UBAP1: variants seen among roughly 807,000 people sequenced by gnomAD.
UBAP1 encodes the protein ubiquitin associated protein 1.
Under a neutral mutation model 39.0 loss-of-function variants are expected in UBAP1, and 5 were observed. The observed-to-expected ratio is 0.13, with a 90% CI of 0.07 to 0.27. The LOEUF is 0.27. Ranked by LOEUF, UBAP1 falls within the 10% of genes least tolerant of loss-of-function variation. The probability of loss-of-function intolerance (pLI) is 1.00; values close to 1 mark genes in which losing one functional copy is unlikely to be tolerated. For synonymous variants in UBAP1, 211 were observed against 225.1 expected, an observed-to-expected ratio of 0.94 and a Z score of 0.56; for missense variants, 490 against 608.1, an observed-to-expected ratio of 0.81 and a Z score of 2.04.
intron 1 of UBAP1, chr9:34,211,842 T>C (rs543742895): frequency 1.1e-5 from 2 of 181,554 alleles, no homozygotes; most frequent in Admixed American, 6.0e-5. Flanking sequence ...TTATTCTTTG[T>C]TCTTTTTTCT....
intron 1 of UBAP1, among the ~76,000 whole-genome samples, chr9:34,180,908 T>C (rs901188019): frequency 6.6e-6 from 1 of 151,314 alleles, no homozygotes; most frequent in African/African-American, 2.4e-5. Context: ...CCTCCTGGGT[T>C]CAAGTGACTG....
chr9:34,246,258 T>C (rs1462278858), intron 4 of UBAP1, among the ~76,000 whole-genome samples: 1 of 151,934 alleles, frequency 6.6e-6, no homozygotes, highest in East Asian at 1.9e-4. Flanking sequence ...TAGAGATGAG[T>C]CTCAACTATG....
Position 34,241,481 on chromosome 9 carries a change from G to A in UBAP1, c.456G>A (p.Ala152=), listed in dbSNP as rs758225904. 2.7e-5 allele frequency: 44 copies of A among 1,613,852 alleles called. No homozygotes were observed. Among genetic ancestry groups the A allele is most frequent in the Middle Eastern group, 1.6e-4 (1 of 6,062 alleles). The change falls in exon 4 of 7, where the codon GCG becomes GCA. Residue 152 remains alanine, a synonymous_variant. Coordinates refer to ENST00000297661, the MANE Select transcript of UBAP1 (RefSeq NM_016525.5). ...QKVLSPPHIK[A]DFNLADFECE... ...TTCTCAGCCCACCTCACATAAAGGC[G>A]GATTTCAATCTTGCTGACTTTGAGT... is the stretch of plus-strand genomic sequence containing the variant.
intron 1 of UBAP1, among the ~76,000 whole-genome samples, chr9:34,195,954 TTTTTTTTTTTG>T (rs2131521933): frequency 1.6e-5 from 2 of 126,876 alleles, no homozygotes; most frequent in Admixed American, 1.7e-4. Flanking sequence ...TTTTTTTTTT[TTTTTTTTTTTG>T]AGATAGAGTC....
At chr9:34,221,084 C>A in intron 2 of UBAP1, 136 bp downstream of exon 2, 1 of 737,920 alleles carries the variant, frequency 1.4e-6, no homozygotes, top group Non-Finnish European at 2.3e-6. Context: ...AGTTGTACAA[C>A]AATGTATCAA....
intron 2 of UBAP1, among the ~76,000 whole-genome samples, 181 bp downstream of exon 2, chr9:34,221,129 T>C (rs1776312902): frequency 6.6e-6 from 1 of 152,202 alleles, no homozygotes; most frequent in African/African-American, 2.4e-5. Context: ...ACTTGAAGTA[T>C]TTCTTCAAAT....
intron 1 of UBAP1, among the ~76,000 whole-genome samples, chr9:34,208,777 C>CA (rs58813667): frequency 1.1e-4 from 13 of 115,576 alleles, no homozygotes; most frequent in African/African-American, 3.7e-4. Context: ...GACTCTGTCT[C>CA]AAAAAAAAAA....
Position 34,218,040 on chromosome 9 carries a change from C to G in UBAP1, c.-7-2868C>G, listed in dbSNP as rs544943767. On this transcript the variant is annotated intron_variant, in intron 1 of 6. Transcript: ENST00000297661. ...GGCCGAGGCGGGTGGATCACAAGGT[C>G]AAGAGATCCAGATTATCCTGGCCAA... Among the ~76,000 whole-genome samples, 58 of 150,638 alleles carry G rather than the reference C, an allele frequency of 3.9e-4. 1 individual carries two copies. The highest frequency in any genetic ancestry group is 1.2e-3 in the African/African-American group (51 of 41,160).
At chr9:34,199,753 A>G (rs1308550270) in intron 1 of UBAP1, among the ~76,000 whole-genome samples, 1 of 150,020 alleles carries the variant, frequency 6.7e-6, no homozygotes, top group Admixed American at 6.6e-5. Flanking sequence ...CTCCTGCCTC[A>G]GCCTCCCTAG....
At position 34,182,681 on chromosome 9, in the gene UBAP1, T is replaced by TTCTCTCTCTCTCTCTC. The variant is rs1437312393; in HGVS notation, c.-8+3452_-8+3453insCTCTCTCTCTCTCTCT. 1.2e-3 allele frequency among the ~76,000 whole-genome samples: 140 copies of TTCTCTCTCTCTCTCTC among 115,598 alleles called. 5 individuals carry two copies. Among genetic ancestry groups the TTCTCTCTCTCTCTCTC allele is most frequent in the South Asian group, 2.2e-3 (7 of 3,236 alleles). 75.8% of individuals were successfully genotyped at this position (115,598 alleles called of 152,430 possible). A position where few individuals can be genotyped will look rare whatever the true frequency, so the allele number is the denominator to read the frequency against. ...TTTCTTTCTTTCTTTCTTTCTTTCT[T>TTCTCTCTCTCTCTCTC]TCTCTCTCTCTTTCTTTTCTTTTCT... On this transcript the variant is annotated intron_variant, in intron 1 of 6. Transcript: ENST00000297661.
At chr9:34,242,273 C>G (rs1834000995) in intron 4 of UBAP1, among the ~76,000 whole-genome samples, 165 bp downstream of exon 4, 1 of 151,878 alleles carries the variant, frequency 6.6e-6, no homozygotes, top group South Asian at 2.1e-4. Flanking sequence ...ACCTCCCGGG[C>G]TCAAGCCTGT....
chr9:34,211,417 A>G (rs946309270), intron 1 of UBAP1, among the ~76,000 whole-genome samples: 5 of 152,164 alleles, frequency 3.3e-5, no homozygotes, highest in African/African-American at 1.2e-4. Flanking sequence ...AAATTAGATA[A>G]TTTCCTGGAT....
chr9:34,250,559 G>A, intron 5 of UBAP1, 99 bp from the exon 6 acceptor site: 1 of 867,912 alleles, frequency 1.2e-6, no homozygotes. Context: ...CGGCCTGGGT[G>A]GGGCGGAGAA....
At chr9:34,231,774 A>C (rs966986737) in intron 2 of UBAP1, among the ~76,000 whole-genome samples, 2 of 151,840 alleles carry the variant, frequency 1.3e-5, no homozygotes, top group African/African-American at 4.8e-5. Context: ...CCTCCCCAGT[A>C]GCTGGGACTA....
chr9:34,218,418 A>G (rs1832469155), intron 1 of UBAP1, among the ~76,000 whole-genome samples: 1 of 152,018 alleles, frequency 6.6e-6, no homozygotes, highest in Admixed American at 6.6e-5. Flanking sequence ...CAAGTTCTTT[A>G]CCTCAACAAC....
Position 34,218,460 on chromosome 9 carries a change from A to G in UBAP1, c.-7-2448A>G, listed in dbSNP as rs543672045. 8.5e-5 allele frequency among the ~76,000 whole-genome samples: 13 copies of G among 152,062 alleles called. No homozygotes were observed. The East Asian group carries it at 2.5e-3, about 29-fold the overall frequency. On this transcript the variant is annotated intron_variant, in intron 1 of 6. Transcript: ENST00000297661. Reference sequence around the variant, plus strand: ...TTCTTCAAACAGCTGATATCACACAATTTTTATTGTGGTTATAGAAATGAA... The same window carrying G: ...TTCTTCAAACAGCTGATATCACACAGTTTTTATTGTGGTTATAGAAATGAA...
intron 2 of UBAP1, among the ~76,000 whole-genome samples, chr9:34,229,578 A>G (rs1208429862): frequency 2.0e-5 from 3 of 146,776 alleles, no homozygotes; most frequent in Non-Finnish European, 4.5e-5. Flanking sequence ...TTGCTCTGTC[A>G]CTAGGCTGGA....
intron 1 of UBAP1, among the ~76,000 whole-genome samples, chr9:34,204,186 G>A (rs1369807394): frequency 6.6e-6 from 1 of 152,096 alleles, no homozygotes; most frequent in Non-Finnish European, 1.5e-5. Flanking sequence ...AATTAGCTGG[G>A]TGTGATGGCC....
chr9:34,209,187 C>G (rs551530179), intron 1 of UBAP1, among the ~76,000 whole-genome samples: 5 of 152,162 alleles, frequency 3.3e-5, no homozygotes, highest in Non-Finnish European at 7.3e-5. Flanking sequence ...ATCTGCCTGC[C>G]TTGGCCGCCT....
Sources: gnomAD v4.1 joint callset for allele counts (sites outside exome capture counted in the v4.1 genomes callset) on GRCh38, gnomAD v4.1.1 for gene constraint, MANE v1.5 for transcripts, NCBI Gene and HGNC (gene_info 2026-07-23, HGNC 2026-07-21) for gene names.